Variants in MYO5B observed in about 807,000 individuals in gnomAD.
The protein encoded by MYO5B is myosin VB.
MYO5B carries 143 observed loss-of-function variants against 229.3 expected under a neutral mutation model. The ratio of observed to expected loss-of-function variants is 0.62; its 90% CI spans 0.54 to 0.72. The LOEUF (loss-of-function observed/expected upper bound fraction) is 0.72. Among genes scored for constraint, MYO5B ranks in the 30% least tolerant of loss-of-function variants. The probability of loss-of-function intolerance (pLI) is 0.00; values close to 1 mark genes in which losing one functional copy is unlikely to be tolerated. For missense variants in MYO5B, 2,321 were observed against 2,331.0 expected (o/e 1.00, Z 0.09); for synonymous variants, 918 against 885.2 (o/e 1.04, Z -0.66).
In MYO5B at chr18:49,894,944, C is replaced by G; in HGVS notation, c.3042G>C (p.Arg1014Ser). 1 of 1,612,538 alleles carries G rather than the reference C, an allele frequency of 6.2e-7. No individual in the cohort carries two copies. Reference sequence around the variant, plus strand: ...TGCCCCTCTGGCCTGAGCATACCTTCCTCAGCTCATCTTTCTCCCTGCTGT... The same window carrying G: ...TGCCCCTCTGGCCTGAGCATACCTTGCTCAGCTCATCTTTCTCCCTGCTGT... ...DAHSREKDEL[R>S]KRVADLEQEN... The change falls in exon 22 of 40, where the codon AGG becomes AGC. Residue 1014 changes from arginine to serine, a missense_variant. Coordinates refer to ENST00000285039, the MANE Select transcript of MYO5B (RefSeq NM_001080467.3).
intron 4 of MYO5B, 49 bp downstream of exon 4, chr18:50,036,800 TC>T: frequency 3.7e-6 from 6 of 1,609,806 alleles, no homozygotes; most frequent in Non-Finnish European, 5.1e-6. Flanking sequence ...AAACTCCCCT[TC>T]CTGCCCACTG....
At chr18:49,995,159 C>A (rs2025973408) in intron 5 of MYO5B, among the ~76,000 whole-genome samples, 1 of 152,162 alleles carries the variant, frequency 6.6e-6, no homozygotes, top group African/African-American at 2.4e-5. Context: ...CCACTCACTA[C>A]CAGACAGAAA....
At chr18:49,844,097 T>A (rs2024096725) in intron 33 of MYO5B, among the ~76,000 whole-genome samples, 1 of 152,242 alleles carries the variant, frequency 6.6e-6, no homozygotes, top group Admixed American at 6.5e-5. Flanking sequence ...GGGCAAGGGC[T>A]GCTCTGGCTG....
intron 5 of MYO5B, among the ~76,000 whole-genome samples, chr18:49,994,529 G>T (rs1248304826): frequency 6.6e-6 from 1 of 152,220 alleles, no homozygotes; most frequent in African/African-American, 2.4e-5. Context: ...GGGGGAGAAA[G>T]TACAACCTTG....
chr18:50,047,194 A>T (rs2030253634), intron 2 of MYO5B, among the ~76,000 whole-genome samples: 1 of 152,230 alleles, frequency 6.6e-6, no homozygotes. Context: ...TACTCATCTG[A>T]CAAAGGGCTA....
chr18:50,127,837 G>A (rs967473414), intron 1 of MYO5B, among the ~76,000 whole-genome samples: 1 of 152,228 alleles, frequency 6.6e-6, no homozygotes, highest in Non-Finnish European at 1.5e-5. Context: ...CCCACTGCGG[G>A]TGGGCCTCAT....
At chr18:50,157,532 G>A (rs1160036334) in intron 1 of MYO5B, among the ~76,000 whole-genome samples, 1 of 152,060 alleles carries the variant, frequency 6.6e-6, no homozygotes, top group Non-Finnish European at 1.5e-5. Context: ...GCCCTTTCCT[G>A]CCTCTGGGCC....
At chr18:50,062,405 G>T (rs569528700) in intron 1 of MYO5B, among the ~76,000 whole-genome samples, 1 of 152,032 alleles carries the variant, frequency 6.6e-6, no homozygotes, top group Non-Finnish European at 1.5e-5. Flanking sequence ...CAGGAACACT[G>T]GTCTGTTCAG....
intron 1 of MYO5B, among the ~76,000 whole-genome samples, chr18:50,099,875 T>TA (rs2031623055): frequency 6.6e-6 from 1 of 152,224 alleles, no homozygotes; most frequent in Admixed American, 6.5e-5. Flanking sequence ...GGGCTAAATA[T>TA]AGACTACTAT....
In MYO5B at chr18:49,926,702, A is replaced by G. The variant is rs56019799; in HGVS notation, c.2090+2810T>C. On this transcript the variant is annotated intron_variant, in intron 17 of 39. Transcript: ENST00000285039. ...TATCCGCAAGGCAAATCAGAGCATG[A>G]TAGTTATTTTTTAACTCAAAGAAAC... Among the ~76,000 whole-genome samples, 1,374 of 152,338 alleles carry G rather than the reference A, an allele frequency of 9.0e-3. 8 individuals are homozygous for G. Among genetic ancestry groups the G allele is most frequent in the Non-Finnish European group, 0.014 (973 of 68,030 alleles).
intron 7 of MYO5B, among the ~76,000 whole-genome samples, chr18:49,988,388 G>GCA (rs1259293119): frequency 6.6e-6 from 1 of 152,160 alleles, no homozygotes; most frequent in Non-Finnish European, 1.5e-5. Flanking sequence ...TTCTCAGAGG[G>GCA]CACATGAAGG....
At chr18:50,023,895 G>A (rs1399693455) in intron 4 of MYO5B, among the ~76,000 whole-genome samples, 1 of 152,084 alleles carries the variant, frequency 6.6e-6, no homozygotes, top group Non-Finnish European at 1.5e-5. Context: ...GTCCTATGCT[G>A]TTTGACCTGA....
intron 4 of MYO5B, among the ~76,000 whole-genome samples, chr18:50,022,802 G>A (rs2144360773): frequency 6.6e-6 from 1 of 152,276 alleles, no homozygotes; most frequent in Non-Finnish European, 1.5e-5. Flanking sequence ...ACCAAGGGAA[G>A]CATCCAGTGT....
Position 49,983,543 on chromosome 18 carries a change from G to C in MYO5B, c.946+1175C>G, listed in dbSNP as rs574081296. Among the ~76,000 whole-genome samples the C allele has an allele frequency of 8.9e-4, 135 of 152,310 alleles. 1 individual carries two copies. Among genetic ancestry groups the C allele is most frequent in the Admixed American group, 1.6e-3 (25 of 15,306 alleles). Reference sequence around the variant, plus strand: ...GAGGCCTCTCTTACCTTTATTGGCTGTTCTTCCCCCACCACCCCATCCCGG... The same window carrying C: ...GAGGCCTCTCTTACCTTTATTGGCTCTTCTTCCCCCACCACCCCATCCCGG... On this transcript the variant is annotated intron_variant, in intron 8 of 39. Coordinates refer to ENST00000285039, the MANE Select transcript of MYO5B (RefSeq NM_001080467.3).
intron 13 of MYO5B, among the ~76,000 whole-genome samples, chr18:49,953,692 G>A (rs567930574): frequency 4.6e-5 from 7 of 152,186 alleles, no homozygotes; most frequent in East Asian, 1.9e-4. Context: ...AAGAAACACC[G>A]AGCTAGTGCA....
chr18:50,168,125 A>C (rs903597040), intron 1 of MYO5B, among the ~76,000 whole-genome samples: 1 of 152,198 alleles, frequency 6.6e-6, no homozygotes, highest in Non-Finnish European at 1.5e-5. Flanking sequence ...TTGCTAATTA[A>C]AATATAACCC....
intron 1 of MYO5B, among the ~76,000 whole-genome samples, chr18:50,130,528 G>C (rs1291963468): frequency 2.0e-5 from 3 of 152,150 alleles, no homozygotes; most frequent in Admixed American, 6.6e-5. Context: ...ATTGGCAAAG[G>C]CTCCTTCAAA....
chr18:49,892,391 C>A (rs2024725920), intron 22 of MYO5B, among the ~76,000 whole-genome samples: 1 of 152,212 alleles, frequency 6.6e-6, no homozygotes, highest in East Asian at 1.9e-4. Flanking sequence ...GGCAGGGCAG[C>A]CACGTGGCCC....
At chr18:50,017,359 A>T (rs567348137) in intron 4 of MYO5B, among the ~76,000 whole-genome samples, 35 of 152,258 alleles carry the variant, frequency 2.3e-4, no homozygotes, top group Admixed American at 1.4e-3. Context: ...TCCTGAACTC[A>T]AATGATCCAC....
Sources: gnomAD v4.1 joint callset for allele counts (sites outside exome capture counted in the v4.1 genomes callset) on GRCh38, gnomAD v4.1.1 for gene constraint, MANE v1.5 for transcripts, NCBI Gene and HGNC (gene_info 2026-07-23, HGNC 2026-07-21) for gene names.